RFX8: variants seen among roughly 807,000 people sequenced by gnomAD.
RFX8 encodes regulatory factor X8, also known as DNA-binding protein RFX8.
RFX8 carries 46 observed loss-of-function variants against 54.6 expected under a neutral mutation model. The ratio of observed to expected loss-of-function variants is 0.84; its 90% CI spans 0.67 to 1.08. The LOEUF is 1.08. RFX8 is among the 50% of genes least tolerant of loss of function. The probability of loss-of-function intolerance (pLI) is 0.00; values close to 1 mark genes in which losing one functional copy is unlikely to be tolerated. For synonymous variants in RFX8, 192 were observed against 209.5 expected, an observed-to-expected ratio of 0.92 and a Z score of 0.72; for missense variants, 536 against 562.3, an observed-to-expected ratio of 0.95 and a Z score of 0.47.
chr2:101,446,893 C>T (rs987230631), intron 2 of RFX8, among the ~76,000 whole-genome samples: 6 of 152,152 alleles, frequency 3.9e-5, no homozygotes, highest in African/African-American at 7.2e-5. Context: ...AGAACAAATT[C>T]GCACCAGGGA....
Position 101,414,854 on chromosome 2 carries a change from C to T in RFX8, c.561G>A (p.Lys187=). The change falls in exon 7 of 12, where the codon AAG becomes AAA. Residue 187 remains lysine (K), a splice_region_variant and synonymous_variant. Coordinates refer to ENST00000428343, the MANE Select transcript of RFX8 (RefSeq NM_001145664.2). The part of the protein sequence containing the change: ...RRKTYLSNMA[K]TMRMVLKSKR... ...TCCTATCTGCTTGGCTGAAGCCTAC[C>T]TTAGCCATGTTGGAAAGGTACGTCT... is the stretch of plus-strand genomic sequence containing the variant. The T allele has an allele frequency of 6.5e-7, 1 of 1,549,518 alleles. No individual in the cohort carries two copies.
chr2:101,398,829 T>C (rs1353422209), intron 11 of RFX8, among the ~76,000 whole-genome samples: 1 of 152,212 alleles, frequency 6.6e-6, no homozygotes, highest in Non-Finnish European at 1.5e-5. Context: ...CAGAGATGTG[T>C]GCACCATAAC....
intron 2 of RFX8, among the ~76,000 whole-genome samples, chr2:101,463,457 T>C (rs11884154): frequency 0.35 from 52,528 of 151,986 alleles, 9,750 homozygotes; most frequent in African/African-American, 0.44. Context: ...TTCAGCCGGC[T>C]CATCCACCCT....
At chr2:101,452,072 A>G (rs7586609) in intron 2 of RFX8, among the ~76,000 whole-genome samples, 52,519 of 152,138 alleles carry the variant, frequency 0.35, 9,752 homozygotes, top group African/African-American at 0.44. Context: ...CAGCCTGGGC[A>G]ACAGTTGCAT....
chr2:101,461,262 C>CAAAAAAA (rs11350961), intron 2 of RFX8, among the ~76,000 whole-genome samples: 14 of 89,908 alleles, frequency 1.6e-4, no homozygotes, highest in East Asian at 3.3e-4. Flanking sequence ...GACTCCATCT[C>CAAAAAAA]AAAAAAAAAA....
chr2:101,463,513 C>T (rs1558891112), intron 2 of RFX8, among the ~76,000 whole-genome samples: 1 of 152,224 alleles, frequency 6.6e-6, no homozygotes, highest in East Asian at 1.9e-4. Flanking sequence ...AAAGAGCTGG[C>T]ATGTGGGAGA....
chr2:101,408,350 T>A (rs1332298476), intron 9 of RFX8, among the ~76,000 whole-genome samples: 2 of 151,822 alleles, frequency 1.3e-5, no homozygotes, highest in South Asian at 4.2e-4. Context: ...CTGGGCGAGG[T>A]GGCGGGCACC....
At chr2:101,452,634 G>A (rs529805275) in intron 2 of RFX8, among the ~76,000 whole-genome samples, 5 of 152,020 alleles carry the variant, frequency 3.3e-5, no homozygotes, top group Non-Finnish European at 7.4e-5. Context: ...GAAATTTTGG[G>A]GGAAAAAAAT....
At chr2:101,452,314 T>TA (rs1357278303) in intron 2 of RFX8, 1 of 853,482 alleles carries the variant, frequency 1.2e-6, no homozygotes, top group East Asian at 3.1e-5. Context: ...TTGCATTTTT[T>TA]ATCATTCATT....
intron 2 of RFX8, among the ~76,000 whole-genome samples, chr2:101,455,021 T>TTTTTC (rs1553458209): frequency 1.9e-4 from 12 of 64,616 alleles, no homozygotes; most frequent in African/African-American, 9.1e-4. Context: ...TTCTTTTTTC[T>TTTTTC]TTTTTTTTTT....
At chr2:101,413,670 T>C (rs1573374354) in intron 7 of RFX8, among the ~76,000 whole-genome samples, 2 of 152,144 alleles carry the variant, frequency 1.3e-5, no homozygotes, top group Non-Finnish European at 2.9e-5. Context: ...GTAACTTTCC[T>C]GAGGGGCAGT....
In RFX8 at chr2:101,422,456, G is replaced by A. The variant is rs776413945; in HGVS notation, c.89C>T (p.Pro30Leu). 1.2e-5 allele frequency: 18 copies of A among 1,544,292 alleles called. No individual in the cohort carries two copies. The highest frequency in any genetic ancestry group is 2.4e-5 in the South Asian group (2 of 83,874). ...ATFGKCEDHS[P>L]MKTDPVGSPL... ...GGATCCAACTGGGTCTGTCTTCATCGGTGAATGATCTTCACACTAAAAATC... is the reference window on the plus strand; with the variant it reads ...GGATCCAACTGGGTCTGTCTTCATCAGTGAATGATCTTCACACTAAAAATC... The change falls in exon 3 of 12, where the codon CCG becomes CTG. Residue 30 changes from proline (P) to leucine (L), a missense_variant. Physicochemically the swap from Pro to Leu is moderately conservative, Grantham distance 98. Coordinates refer to ENST00000428343, the MANE Select transcript of RFX8 (RefSeq NM_001145664.2).
chr2:101,426,740 C>T (rs929887981), intron 2 of RFX8, among the ~76,000 whole-genome samples: 2 of 152,120 alleles, frequency 1.3e-5, no homozygotes, highest in African/African-American at 4.8e-5. Flanking sequence ...CCCTGGGAGT[C>T]TGATGTGTGC....
chr2:101,452,412 C>T lies in RFX8; in HGVS notation c.72+14365G>A, dbSNP rs753300652. On this transcript the variant is annotated intron_variant, in intron 2 of 11. Transcript: ENST00000428343. ...GGCACTTCCTCTAGTGCCCAGCCTC[C>T]GGGTGCCAAGGTCCGGAAAAACCAA... is the stretch of plus-strand genomic sequence containing the variant. 58 of 1,382,540 alleles carry T rather than the reference C, an allele frequency of 4.2e-5. 1 individual carries two copies. In the Middle Eastern group the frequency reaches 5.6e-4, roughly 13 times the overall value. 85.6% of individuals were successfully genotyped at this position (1,382,540 alleles called of 1,614,324 possible).
intron 2 of RFX8, among the ~76,000 whole-genome samples, chr2:101,436,218 AC>A (rs1417514672): frequency 1.3e-5 from 2 of 152,206 alleles, no homozygotes; most frequent in Admixed American, 6.5e-5. Flanking sequence ...TCTTGAGACT[AC>A]ATTTATTTTA....
intron 8 of RFX8, among the ~76,000 whole-genome samples, chr2:101,411,431 C>T (rs1230225595): frequency 6.6e-6 from 1 of 152,102 alleles, no homozygotes; most frequent in African/African-American, 2.4e-5. Flanking sequence ...TGTTGGGACT[C>T]ACAAAGATGC....
intron 2 of RFX8, among the ~76,000 whole-genome samples, chr2:101,460,204 G>A (rs1573476798): frequency 6.7e-6 from 1 of 150,066 alleles, no homozygotes; most frequent in African/African-American, 2.5e-5. Context: ...GCTTCCTGGT[G>A]AGGCGACACC....
chr2:101,420,003 A>G (rs1686770625), intron 4 of RFX8, among the ~76,000 whole-genome samples: 1 of 151,992 alleles, frequency 6.6e-6, no homozygotes, highest in Non-Finnish European at 1.5e-5. Context: ...CCTCTGAAAT[A>G]TTTCTCTAAC....
chr2:101,455,593 G>T (rs1688922893), intron 2 of RFX8, among the ~76,000 whole-genome samples: 1 of 152,196 alleles, frequency 6.6e-6, no homozygotes, highest in Admixed American at 6.5e-5. Context: ...TTTGGTACCA[G>T]TACCATGCTG....
Sources: allele counts gnomAD v4.1 joint callset (sites outside exome capture counted in the v4.1 genomes callset), GRCh38; gene constraint gnomAD v4.1.1; transcripts MANE v1.5; gene names NCBI Gene and HGNC (gene_info 2026-07-23, HGNC 2026-07-21).